Variants in FAM149B1 observed in about 807,000 individuals in gnomAD.
FAM149B1 encodes the protein primary cilium assembly protein FAM149B1.
In FAM149B1, 56 loss-of-function variants were observed where a neutral mutation model predicts 75.3. The ratio of observed to expected loss-of-function variants is 0.74; its 90% CI spans 0.60 to 0.93. The LOEUF (loss-of-function observed/expected upper bound fraction) is 0.93, where lower values mean the gene tolerates loss of function less well. Ranked by LOEUF, FAM149B1 falls within the 40% of genes least tolerant of loss-of-function variation. The pLI is 0.00. For synonymous variants in FAM149B1, 259 were observed against 256.1 expected (o/e 1.01, Z -0.11); for missense variants, 639 against 708.4 (o/e 0.90, Z 1.11).
chr10:73,195,401 C>T (rs1289264342), intron 5 of FAM149B1, among the ~76,000 whole-genome samples: 5 of 152,092 alleles, frequency 3.3e-5, no homozygotes, highest in African/African-American at 4.8e-5. Context: ...TGTATTATAT[C>T]GATAAGTTTA....
intron 7 of FAM149B1, among the ~76,000 whole-genome samples, chr10:73,218,483 A>G (rs1222158615): frequency 6.6e-6 from 1 of 152,086 alleles, no homozygotes. Flanking sequence ...TTGGCTCTTC[A>G]TGGTATCAGT....
chr10:73,229,692 G>A (rs7093566), intron 8 of FAM149B1, among the ~76,000 whole-genome samples: 15,955 of 152,278 alleles, frequency 0.1, 1,212 homozygotes, highest in East Asian at 0.31. Context: ...TGGTGTGGCC[G>A]TGGTTTAGTG....
chr10:73,240,082 C>A (rs2133418931), intron 13 of FAM149B1, among the ~76,000 whole-genome samples: 1 of 152,220 alleles, frequency 6.6e-6, no homozygotes, highest in South Asian at 2.1e-4. Flanking sequence ...TGCCACCATG[C>A]CCAGGTAATT....
intron 5 of FAM149B1, among the ~76,000 whole-genome samples, chr10:73,199,541 GT>G: frequency 6.6e-6 from 1 of 151,462 alleles, no homozygotes. Flanking sequence ...TTTTTATTTG[GT>G]TGTTTGTTTT....
intron 9 of FAM149B1, chr10:73,230,753 G>C: frequency 2.3e-6 from 1 of 426,378 alleles, no homozygotes; most frequent in Non-Finnish European, 4.4e-6. Flanking sequence ...TGGCATTTTT[G>C]TAACTGAGTG....
rs1392096510 is a variant in FAM149B1, at chr10:73,211,710, C to T, written c.898+1272C>T. Among the ~76,000 whole-genome samples, 4 of 152,242 alleles carry T rather than the reference C, an allele frequency of 2.6e-5. No homozygotes were observed. In the South Asian group the frequency reaches 6.2e-4, roughly 24 times the overall value. ...GAAGAAAAATCATGTGCAAGTAGCA[C>T]TTTTTTAAACTGCTTTATTAAAGCA... On this transcript the variant is annotated intron_variant, in intron 7 of 13. Transcript: ENST00000242505.
At chr10:73,223,187 C>G (rs2043457253) in intron 7 of FAM149B1, among the ~76,000 whole-genome samples, 1 of 152,108 alleles carries the variant, frequency 6.6e-6, no homozygotes, top group Non-Finnish European at 1.5e-5. Context: ...ACTCCAGAAG[C>G]CTTTCTCATG....
chr10:73,229,107 A>G (rs2043624771), intron 8 of FAM149B1, among the ~76,000 whole-genome samples: 1 of 152,208 alleles, frequency 6.6e-6, no homozygotes, highest in Non-Finnish European at 1.5e-5. Context: ...AAAAACAAAG[A>G]GAAAAGCTAT....
At chr10:73,210,463 T>C in intron 7 of FAM149B1, 25 bp downstream of exon 7, 13 of 1,461,098 alleles carry the variant, frequency 8.9e-6, no homozygotes, top group Non-Finnish European at 1.1e-5. Context: ...GAAAATAATG[T>C]AAAAATCAAT....
intron 8 of FAM149B1, among the ~76,000 whole-genome samples, chr10:73,229,875 G>T (rs1428727773): frequency 6.6e-6 from 1 of 152,168 alleles, no homozygotes; most frequent in Admixed American, 6.5e-5. Context: ...CTCTAGGGGG[G>T]CAATGCCAGT....
chr10:73,173,939 T>G (rs1589131988), intron 1 of FAM149B1, among the ~76,000 whole-genome samples: 1 of 152,214 alleles, frequency 6.6e-6, no homozygotes, highest in Non-Finnish European at 1.5e-5. Context: ...GTTTTTCTAT[T>G]GGCTTTGGCT....
intron 1 of FAM149B1, among the ~76,000 whole-genome samples, chr10:73,174,246 T>C (rs1278617428): frequency 6.6e-6 from 1 of 152,214 alleles, no homozygotes; most frequent in Admixed American, 6.5e-5. Flanking sequence ...TGTCAAACTA[T>C]TCCAGAATGG....
intron 8 of FAM149B1, among the ~76,000 whole-genome samples, chr10:73,230,108 TCTC>T (rs1490899314): frequency 6.6e-6 from 1 of 152,198 alleles, no homozygotes; most frequent in African/African-American, 2.4e-5. Flanking sequence ...CTGTGAGTTT[TCTC>T]TTCTATTTTA....
intron 7 of FAM149B1, 42 bp from the exon 8 acceptor site, chr10:73,228,018 A>G (rs775903481): frequency 1.3e-6 from 2 of 1,540,256 alleles, no homozygotes; most frequent in Non-Finnish European, 1.8e-6. Context: ...GCTGTGGGCC[A>G]GAAGATTATC....
At chr10:73,185,747 A>G (rs759752421) in intron 3 of FAM149B1, among the ~76,000 whole-genome samples, 6 of 152,244 alleles carry the variant, frequency 3.9e-5, no homozygotes, top group African/African-American at 1.4e-4. Flanking sequence ...AGAATTCTTC[A>G]TATAAGAGAT....
At chr10:73,178,895 A>C (rs1844087951) in intron 3 of FAM149B1, among the ~76,000 whole-genome samples, 1 of 152,186 alleles carries the variant, frequency 6.6e-6, no homozygotes, top group African/African-American at 2.4e-5. Flanking sequence ...CAACTCTAAA[A>C]ATTTTTTAAA....
intron 7 of FAM149B1, among the ~76,000 whole-genome samples, chr10:73,226,479 TG>T (rs2043553736): frequency 6.6e-6 from 1 of 152,162 alleles, no homozygotes; most frequent in South Asian, 2.1e-4. Context: ...CGTTCCAGCC[TG>T]GGCAACAGAG....
chr10:73,195,072 C>G (rs1018022360), intron 5 of FAM149B1, among the ~76,000 whole-genome samples: 4 of 152,176 alleles, frequency 2.6e-5, no homozygotes, highest in Admixed American at 6.5e-5. Flanking sequence ...TACTTTGAAA[C>G]CTATGCCTAT....
intron 5 of FAM149B1, among the ~76,000 whole-genome samples, chr10:73,208,296 T>G (rs1164927771): frequency 6.6e-6 from 1 of 152,252 alleles, no homozygotes; most frequent in Non-Finnish European, 1.5e-5. Flanking sequence ...GTGAGCCTAT[T>G]AAATCTCTTT....
Sources: gnomAD v4.1 joint callset for allele counts (sites outside exome capture counted in the v4.1 genomes callset) on GRCh38, gnomAD v4.1.1 for gene constraint, MANE v1.5 for transcripts, NCBI Gene and HGNC (gene_info 2026-07-23, HGNC 2026-07-21) for gene names.